The following PTPRD variants were observed in gnomAD, a reference collection of about 807,000 sequenced individuals.
The protein encoded by PTPRD is protein tyrosine phosphatase receptor type D.
A neutral mutation model predicts 214.5 loss-of-function variants in PTPRD; 34 were observed. That is an observed-to-expected ratio of 0.16 (90% CI 0.12 to 0.21). PTPRD has a LOEUF of 0.21. Ranked by LOEUF, PTPRD falls within the 10% of genes least tolerant of loss-of-function variation. PTPRD has a pLI of 1.00. For synonymous variants in PTPRD, 1,128 were observed against 845.7 expected (o/e 1.33, Z -5.79); for missense variants, 2,545 against 2,398.7 (o/e 1.06, Z -1.27).
At chr9:9,608,852 C>A (rs1050982983) in intron 7 of PTPRD, among the ~76,000 whole-genome samples, 2 of 152,176 alleles carry the variant, frequency 1.3e-5, no homozygotes, top group African/African-American at 4.8e-5. Flanking sequence ...CTAAGAATTA[C>A]CTTCTTTCCT....
intron 8 of PTPRD, among the ~76,000 whole-genome samples, chr9:9,443,756 G>A (rs949349748): frequency 2.0e-5 from 3 of 152,102 alleles, no homozygotes; most frequent in Admixed American, 2.0e-4. Context: ...GATCTAGTTG[G>A]CACCCATGGA....
intron 2 of PTPRD, among the ~76,000 whole-genome samples, chr9:10,435,337 A>G (rs2098710277): frequency 6.6e-6 from 1 of 151,938 alleles, no homozygotes; most frequent in African/African-American, 2.4e-5. Context: ...TACACGACTC[A>G]TACAGAATGC....
At chr9:9,137,272 T>C (rs985882625) in intron 10 of PTPRD, among the ~76,000 whole-genome samples, 3 of 152,236 alleles carry the variant, frequency 2.0e-5, no homozygotes, top group African/African-American at 7.2e-5. Context: ...AAGGTTTCTG[T>C]ATAACCTTCC....
intron 32 of PTPRD, among the ~76,000 whole-genome samples, chr9:8,461,786 C>G (rs2134231689): frequency 6.6e-6 from 1 of 152,098 alleles, no homozygotes; most frequent in African/African-American, 2.4e-5. Context: ...TTATCTCTGA[C>G]TCCATCCTAT....
At chr9:9,509,673 C>T (rs987843316) in intron 8 of PTPRD, among the ~76,000 whole-genome samples, 4 of 151,528 alleles carry the variant, frequency 2.6e-5, no homozygotes, top group Admixed American at 6.6e-5. Flanking sequence ...AGAATAAAGC[C>T]GTATTCCTTG....
chr9:8,642,517 C>A (rs912189130), intron 12 of PTPRD, among the ~76,000 whole-genome samples: 3 of 152,208 alleles, frequency 2.0e-5, no homozygotes, highest in African/African-American at 7.2e-5. Flanking sequence ...TTAAAAAGTG[C>A]CTGTAGAATT....
At chr9:9,313,579 G>C (rs982580564) in intron 9 of PTPRD, among the ~76,000 whole-genome samples, 3 of 152,234 alleles carry the variant, frequency 2.0e-5, no homozygotes, top group Admixed American at 6.5e-5. Flanking sequence ...TCCAAATCTA[G>C]CTGCTCAATG....
chr9:9,003,735 T>G (rs371681446), intron 11 of PTPRD, among the ~76,000 whole-genome samples: 1 of 152,026 alleles, frequency 6.6e-6, no homozygotes, highest in Non-Finnish European at 1.5e-5. Flanking sequence ...TTAATGCCCA[T>G]TCTGTGTTTT....
chr9:9,884,284 C>G (rs1263375244), intron 5 of PTPRD, among the ~76,000 whole-genome samples: 2 of 152,060 alleles, frequency 1.3e-5, no homozygotes, highest in Non-Finnish European at 2.9e-5. Flanking sequence ...AACTTCATAC[C>G]TTTATGTTGT....
chr9:9,935,891 T>C (rs1300952086), intron 5 of PTPRD, among the ~76,000 whole-genome samples: 1 of 149,944 alleles, frequency 6.7e-6, no homozygotes, highest in Non-Finnish European at 1.5e-5. Flanking sequence ...TATAGATCAA[T>C]GGAACAGAAC....
intron 3 of PTPRD, among the ~76,000 whole-genome samples, chr9:10,216,835 T>C (rs1167294175): frequency 2.0e-5 from 3 of 151,998 alleles, no homozygotes; most frequent in Non-Finnish European, 2.9e-5. Context: ...AGCAAAATTC[T>C]GCAATGATTC....
intron 39 of PTPRD, among the ~76,000 whole-genome samples, chr9:8,365,427 CT>C (rs912233622): frequency 3.3e-4 from 50 of 152,206 alleles, no homozygotes; most frequent in Admixed American, 2.6e-4. Context: ...TGAGAATGGA[CT>C]TTTTTCCTAC....
At chr9:10,073,961 T>G (rs1433263147) in intron 3 of PTPRD, among the ~76,000 whole-genome samples, 1 of 152,092 alleles carries the variant, frequency 6.6e-6, no homozygotes, top group Non-Finnish European at 1.5e-5. Context: ...AAAATTGAAT[T>G]AAAGAGAAAT....
At chr9:10,080,328 T>C (rs1371347756) in intron 3 of PTPRD, among the ~76,000 whole-genome samples, 1 of 152,128 alleles carries the variant, frequency 6.6e-6, no homozygotes, top group African/African-American at 2.4e-5. Context: ...GACAAAATGC[T>C]GTATCTCCTT....
intron 3 of PTPRD, among the ~76,000 whole-genome samples, chr9:10,226,855 T>C (rs935370217): frequency 2.6e-5 from 4 of 152,086 alleles, no homozygotes; most frequent in African/African-American, 7.2e-5. Flanking sequence ...TGTATATATT[T>C]ACCACTCATT....
intron 11 of PTPRD, among the ~76,000 whole-genome samples, chr9:8,806,231 A>T (rs985034086): frequency 7.1e-6 from 1 of 141,498 alleles, no homozygotes; most frequent in African/African-American, 2.6e-5. Flanking sequence ...TGGCCAGCTT[A>T]CACTTTTTTT....
At chr9:8,801,900 TA>T (rs1566173658) in intron 11 of PTPRD, among the ~76,000 whole-genome samples, 1 of 152,052 alleles carries the variant, frequency 6.6e-6, no homozygotes, top group Non-Finnish European at 1.5e-5. Context: ...AAGCAGTTTT[TA>T]AAAAAGAAAG....
At chr9:9,630,295 GA>G (rs1377203486) in intron 7 of PTPRD, among the ~76,000 whole-genome samples, 1 of 152,134 alleles carries the variant, frequency 6.6e-6, no homozygotes, top group Non-Finnish European at 1.5e-5. Flanking sequence ...ATATAGCAAA[GA>G]AAAAGAATTG....
At chr9:8,801,808 C>A (rs1465829191) in intron 11 of PTPRD, among the ~76,000 whole-genome samples, 2 of 152,146 alleles carry the variant, frequency 1.3e-5, no homozygotes, top group East Asian at 1.9e-4. Context: ...TCACTGTGTG[C>A]CATGTGGCCT....
Sources: gnomAD v4.1 joint callset for allele counts (sites outside exome capture counted in the v4.1 genomes callset) on GRCh38, gnomAD v4.1.1 for gene constraint, MANE v1.5 for transcripts, NCBI Gene and HGNC (gene_info 2026-07-23, HGNC 2026-07-21) for gene names.